SLC9D1: variants seen among roughly 807,000 people sequenced by gnomAD.
The protein encoded by SLC9D1 is putative LAG1-interacting protein.
the SLC9D1 span, among the ~76,000 whole-genome samples, chr13:113,526,121 G>A: frequency 6.6e-6 from 1 of 152,360 alleles, no homozygotes; most frequent in South Asian, 2.1e-4. Flanking sequence ...CCTTGCAGTG[G>A]GACAGGATGC....
At chr13:113,520,289 G>C in the SLC9D1 span, among the ~76,000 whole-genome samples, 16 of 152,010 alleles carry the variant, frequency 1.1e-4, no homozygotes, top group Admixed American at 1.0e-3. Context: ...TTTGAGACCA[G>C]CCTGACCAAC....
At chr13:113,507,578 A>T in the SLC9D1 span, among the ~76,000 whole-genome samples, 1 of 152,228 alleles carries the variant, frequency 6.6e-6, no homozygotes, top group Non-Finnish European at 1.5e-5. Flanking sequence ...CGCCGTGCAT[A>T]GTGCTGAGGA....
At chr13:113,510,904 C>T in the SLC9D1 span, among the ~76,000 whole-genome samples, 3 of 152,124 alleles carry the variant, frequency 2.0e-5, no homozygotes, top group Non-Finnish European at 2.9e-5. Context: ...GAAACATTGC[C>T]GCTTCTAAGT....
the SLC9D1 span, among the ~76,000 whole-genome samples, chr13:113,531,634 G>A: frequency 2.0e-5 from 3 of 151,000 alleles, no homozygotes; most frequent in South Asian, 2.1e-4. Context: ...ACGGCGCCCC[G>A]TACGTGCAGA....
the SLC9D1 span, chr13:113,528,425 A>G: frequency 2.0e-5 from 3 of 152,238 alleles, 1 homozygote; most frequent in Admixed American, 6.5e-5. Flanking sequence ...CTTCTGTTAC[A>G]TCTTCCCTGC....
chr13:113,541,318 G>T, the SLC9D1 span, among the ~76,000 whole-genome samples: 2 of 148,828 alleles, frequency 1.3e-5, no homozygotes, highest in African/African-American at 5.1e-5. Context: ...CTTTATTACC[G>T]CTGAGTTGTG....
At chr13:113,509,312 A>G in the SLC9D1 span, among the ~76,000 whole-genome samples, 1,050 of 59,956 alleles carry the variant, frequency 0.018, 51 homozygotes, top group Middle Eastern at 0.048. Context: ...TTCCTGTGTT[A>G]GGATGGCAGG....
the SLC9D1 span, among the ~76,000 whole-genome samples, chr13:113,533,811 A>G: frequency 0.011 from 1,705 of 152,338 alleles, 22 homozygotes; most frequent in Non-Finnish European, 0.018. Context: ...TAGAATACGC[A>G]TTCACCCCAG....
At chr13:113,539,986 T>C in the SLC9D1 span, among the ~76,000 whole-genome samples, 2 of 152,214 alleles carry the variant, frequency 1.3e-5, no homozygotes, top group Non-Finnish European at 2.9e-5. This position sits in a 1 kb window ranked among gnomAD's most constrained non-coding sequence, Gnocchi z 4.8. Context: ...TGCTCTGTTC[T>C]GGTGTTAATT....
the SLC9D1 span, among the ~76,000 whole-genome samples, chr13:113,530,793 A>C: frequency 6.6e-6 from 1 of 152,220 alleles, no homozygotes; most frequent in Admixed American, 6.5e-5. Flanking sequence ...TATGTTTCTT[A>C]TTTTATAAAG....
At chr13:113,549,930 A>G in the SLC9D1 span, 17 of 473,750 alleles carry the variant, frequency 3.6e-5, no homozygotes, top group South Asian at 4.9e-4. Context: ...CTTCAGAATT[A>G]TAATCTGTTA....
At chr13:113,506,893 G>A in the SLC9D1 span, among the ~76,000 whole-genome samples, 4 of 152,228 alleles carry the variant, frequency 2.6e-5, no homozygotes, top group East Asian at 5.8e-4. Flanking sequence ...TGGTGCTTCC[G>A]AGGGTTTGCA....
At chr13:113,539,577 C>T in the SLC9D1 span, 24 of 1,473,694 alleles carry the variant, frequency 1.6e-5, no homozygotes, top group South Asian at 4.6e-5. This position sits in a 1 kb window ranked among gnomAD's most constrained non-coding sequence, Gnocchi z 4.8. Context: ...AATATGTTTA[C>T]GTGCATATAT....
At chr13:113,508,271 C>G in the SLC9D1 span, among the ~76,000 whole-genome samples, 2 of 152,194 alleles carry the variant, frequency 1.3e-5, no homozygotes, top group East Asian at 3.8e-4. Flanking sequence ...GGGCGCACAG[C>G]GAGTTAGTGG....
the SLC9D1 span, among the ~76,000 whole-genome samples, chr13:113,541,266 G>T: frequency 9.5e-4 from 144 of 151,552 alleles, no homozygotes; most frequent in African/African-American, 3.2e-3. Flanking sequence ...TTACCGCCGA[G>T]ATGTGTGGAT....
chr13:113,509,868 C>G, the SLC9D1 span, among the ~76,000 whole-genome samples: 30 of 152,338 alleles, frequency 2.0e-4, no homozygotes, highest in African/African-American at 7.2e-4. Context: ...GGGTGCACTT[C>G]CTGGCTCCAA....
At chr13:113,496,061 AGG>A in the SLC9D1 span, 2 of 1,433,632 alleles carry the variant, frequency 1.4e-6, no homozygotes, top group Non-Finnish European at 1.9e-6. Context: ...AGAGAGGGAG[AGG>A]GAGAGAGAGG....
chr13:113,496,389 C>A, the SLC9D1 span, among the ~76,000 whole-genome samples: 1 of 152,184 alleles, frequency 6.6e-6, no homozygotes, highest in African/African-American at 2.4e-5. Flanking sequence ...TCAACATTTG[C>A]TGAGTTTCTG....
At chr13:113,494,896 T>A in the SLC9D1 span, among the ~76,000 whole-genome samples, 1 of 152,158 alleles carries the variant, frequency 6.6e-6, no homozygotes, top group South Asian at 2.1e-4. Flanking sequence ...TTTTGTTTTT[T>A]TTTTGAGACA....
Sources: allele counts gnomAD v4.1 joint callset (sites outside exome capture counted in the v4.1 genomes callset), GRCh38; gene constraint gnomAD v4.1.1; non-coding constraint Gnocchi (gnomAD v3.1); transcripts MANE v1.5; gene names NCBI Gene and HGNC (gene_info 2026-07-23, HGNC 2026-07-21).